The following CIDEA variants were observed in gnomAD, a reference collection of about 807,000 sequenced individuals.
CIDEA encodes the protein lipid transferase CIDEA.
Under a neutral mutation model 18.2 loss-of-function variants are expected in CIDEA, and 10 were observed. The observed-to-expected ratio is 0.55, with a 90% confidence interval of 0.34 to 0.93. The LOEUF is 0.93. Ranked by LOEUF, CIDEA falls within the 40% of genes least tolerant of loss-of-function variation. The probability of loss-of-function intolerance (pLI) is 0.02; values close to 1 mark genes in which losing one functional copy is unlikely to be tolerated. For synonymous variants in CIDEA, 128 were observed against 124.8 expected (o/e 1.03, Z -0.17); for missense variants, 309 against 293.1 (o/e 1.05, Z -0.40).
At chr18:12,261,960 GA>G (rs755192023) in intron 1 of CIDEA, among the ~76,000 whole-genome samples, 1 of 151,354 alleles carries the variant, frequency 6.6e-6, no homozygotes, top group Non-Finnish European at 1.5e-5. Flanking sequence ...TTGAACCCAG[GA>G]GTTCAAGACC....
intron 1 of CIDEA, among the ~76,000 whole-genome samples, chr18:12,259,997 CT>C (rs1285677938): frequency 1.3e-5 from 2 of 152,216 alleles, no homozygotes; most frequent in Non-Finnish European, 2.9e-5. Context: ...AGACCAAATT[CT>C]TGCCAATGAC....
chr18:12,264,944 CTT>C (rs1307437042), intron 3 of CIDEA, among the ~76,000 whole-genome samples: 1 of 152,212 alleles, frequency 6.6e-6, no homozygotes, highest in Non-Finnish European at 1.5e-5. Flanking sequence ...TTCTAGGAAA[CTT>C]AGTCTCTCTG....
intron 3 of CIDEA, among the ~76,000 whole-genome samples, chr18:12,272,428 A>G (rs1325366601): frequency 2.6e-5 from 4 of 151,094 alleles, no homozygotes; most frequent in African/African-American, 9.7e-5. Context: ...GGCCAGGCTG[A>G]TCTCAAACTC....
chr18:12,257,833 C>T (rs1333534002), intron 1 of CIDEA, among the ~76,000 whole-genome samples: 1 of 152,072 alleles, frequency 6.6e-6, no homozygotes, highest in African/African-American at 2.4e-5. Flanking sequence ...GCTCAGTGGC[C>T]CTGCTTTTAG....
chr18:12,276,272 G>T (rs185983193), intron 4 of CIDEA, among the ~76,000 whole-genome samples: 5 of 152,006 alleles, frequency 3.3e-5, no homozygotes, highest in Admixed American at 3.3e-4. Flanking sequence ...GGGATTACAG[G>T]CATGAACCAC....
At chr18:12,272,186 T>A (rs1252947893) in intron 3 of CIDEA, among the ~76,000 whole-genome samples, 3 of 127,698 alleles carry the variant, frequency 2.3e-5, no homozygotes, top group African/African-American at 8.7e-5. Context: ...TTGTTGTTGT[T>A]GTTGTTGTTG....
intron 1 of CIDEA, among the ~76,000 whole-genome samples, chr18:12,259,809 C>CCAGATG (rs1422602405): frequency 6.6e-6 from 1 of 152,104 alleles, no homozygotes; most frequent in Non-Finnish European, 1.5e-5. Context: ...TGTAGTGAGC[C>CCAGATG]CAGATGGCAT....
rs1396837261 is a variant in CIDEA, at chr18:12,264,352, C to T, written c.229C>T (p.Leu77=). Residue 77 remains leucine (L), a synonymous_variant, in exon 3 of 5, where the codon CTG becomes TTG. Coordinates refer to ENST00000320477, the MANE Select transcript of CIDEA (RefSeq NM_001279.4). ...CGCTACCGGACTGGTCACTCTGGTGCTGGAGGAAGATGGCACCGTGGTGGA... is the reference window on the plus strand; with the variant it reads ...CGCTACCGGACTGGTCACTCTGGTGTTGGAGGAAGATGGCACCGTGGTGGA... The part of the protein sequence containing the change: ...VIATGLVTLV[L]EEDGTVVDTE... 1.9e-6 allele frequency: 3 copies of T among 1,614,006 alleles called. No individual in the cohort carries two copies. Among genetic ancestry groups the T allele is most frequent in the Non-Finnish European group, 1.7e-6 (2 of 1,179,904 alleles).
chr18:12,267,240 A>G (rs1054086386), intron 3 of CIDEA, among the ~76,000 whole-genome samples: 1 of 152,262 alleles, frequency 6.6e-6, no homozygotes, highest in African/African-American at 2.4e-5. Context: ...TAGAGCGTCC[A>G]TGGCAGCAAT....
At chr18:12,261,795 G>T (rs937584551) in intron 1 of CIDEA, among the ~76,000 whole-genome samples, 1 of 151,518 alleles carries the variant, frequency 6.6e-6, no homozygotes, top group Non-Finnish European at 1.5e-5. Context: ...TGCCCAGGCT[G>T]GTCTCGAACT....
chr18:12,274,085 T>C lies in CIDEA; in HGVS notation c.331-8T>C. On this transcript the variant is annotated splice_region_variant and splice_polypyrimidine_tract_variant and intron_variant, in intron 3 of 4. Transcript: ENST00000320477. Reference sequence around the variant, plus strand: ...TCCTGAAGCCTGCCCCTCCCCCCATTGTCACAGGGCAGCCAGCACGTCCCC... The same window carrying C: ...TCCTGAAGCCTGCCCCTCCCCCCATCGTCACAGGGCAGCCAGCACGTCCCC... 6.2e-7 allele frequency: 1 copy of C among 1,613,950 alleles called. No homozygotes were observed. The highest frequency in any genetic ancestry group is 1.1e-5 in the South Asian group (1 of 91,072).
intron 3 of CIDEA, among the ~76,000 whole-genome samples, chr18:12,272,091 G>A (rs1224305362): frequency 2.1e-5 from 3 of 142,518 alleles, no homozygotes; most frequent in African/African-American, 7.6e-5. Context: ...GGGCTCGCTG[G>A]CGCCCCCAAG....
chr18:12,254,944 C>T (rs145232911), intron 1 of CIDEA: 207 of 1,224,164 alleles, frequency 1.7e-4, no homozygotes, highest in Non-Finnish European at 2.1e-4. Flanking sequence ...AACCGTCCGG[C>T]GGAGCCCTCC....
At chr18:12,267,733 G>A (rs1404312621) in intron 3 of CIDEA, among the ~76,000 whole-genome samples, 1 of 152,164 alleles carries the variant, frequency 6.6e-6, no homozygotes, top group Non-Finnish European at 1.5e-5. Flanking sequence ...GACCTCAAGT[G>A]ATCCACCGGC....
chr18:12,257,461 C>T (rs547130283), intron 1 of CIDEA, among the ~76,000 whole-genome samples: 14 of 152,196 alleles, frequency 9.2e-5, no homozygotes, highest in Admixed American at 7.9e-4. Flanking sequence ...ATTCTCTGTA[C>T]GGCTCAGGTT....
At chr18:12,263,374 T>C (rs8092502) in intron 2 of CIDEA, among the ~76,000 whole-genome samples, 26,063 of 152,060 alleles carry the variant, frequency 0.17, 3,752 homozygotes, top group African/African-American at 0.38. Flanking sequence ...GATATGTGAA[T>C]TATACATCAG....
chr18:12,256,451 T>A (rs1464383165), intron 1 of CIDEA, among the ~76,000 whole-genome samples: 2 of 152,222 alleles, frequency 1.3e-5, no homozygotes, highest in Non-Finnish European at 2.9e-5. Flanking sequence ...CTAGAATCGT[T>A]AGGGGCCTTG....
At chr18:12,276,819 C>T (rs987393539) in intron 4 of CIDEA, among the ~76,000 whole-genome samples, 1 of 152,238 alleles carries the variant, frequency 6.6e-6, no homozygotes, top group Non-Finnish European at 1.5e-5. Flanking sequence ...AGCCACTCAA[C>T]AAGCAGGCCG....
At chr18:12,269,579 T>G (rs767545578) in intron 3 of CIDEA, among the ~76,000 whole-genome samples, 2 of 152,226 alleles carry the variant, frequency 1.3e-5, no homozygotes, top group Non-Finnish European at 2.9e-5. Context: ...CAGGCGTTGG[T>G]CATTGAGAAA....
Sources: gnomAD v4.1 joint callset for allele counts (sites outside exome capture counted in the v4.1 genomes callset) on GRCh38, gnomAD v4.1.1 for gene constraint, MANE v1.5 for transcripts, NCBI Gene and HGNC (gene_info 2026-07-23, HGNC 2026-07-21) for gene names.